Variants in CUX1 observed in about 807,000 individuals in gnomAD.
CUX1 encodes the protein cut like homeobox 1, also known as protein CASP.
Under a neutral mutation model 158.8 loss-of-function variants are expected in CUX1, and 31 were observed. The observed-to-expected ratio is 0.20, with a 90% CI of 0.15 to 0.26. The LOEUF is 0.26. Ranked by LOEUF, CUX1 falls within the 10% of genes least tolerant of loss-of-function variation. The pLI is 1.00. For missense variants in CUX1, 1,589 were observed against 2,014.6 expected (o/e 0.79, Z 4.04); for synonymous variants, 879 against 862.1 (o/e 1.02, Z -0.34).
intron 2 of CUX1, among the ~76,000 whole-genome samples, chr7:101,946,544 C>CAAAA (rs386410843): frequency 3.8e-5 from 3 of 78,162 alleles, no homozygotes; most frequent in Admixed American, 1.6e-4. Context: ...GACTCCGTCT[C>CAAAA]AAAAAAAAAA....
chr7:102,042,712 CT>C (rs889518543), intron 3 of CUX1, among the ~76,000 whole-genome samples: 2 of 152,204 alleles, frequency 1.3e-5, no homozygotes, highest in East Asian at 3.9e-4. Context: ...CTTTTTCCCT[CT>C]TTTTTTATCC....
chr7:102,089,585 G>C (rs201435), intron 4 of CUX1, among the ~76,000 whole-genome samples: 92,599 of 152,120 alleles, frequency 0.61, 30,101 homozygotes, highest in African/African-American at 0.79. Flanking sequence ...CAACAAGTGT[G>C]TCCTCTCTGG....
chr7:102,041,256 C>CTTTTTTTTTTTTTT lies in CUX1; in HGVS notation c.189+13125_189+13138dup, dbSNP rs11427183. 5.7e-5 allele frequency among the ~76,000 whole-genome samples: 4 copies of CTTTTTTTTTTTTTT among 69,892 alleles called. 1 individual carries two copies. The highest frequency in any genetic ancestry group is 4.6e-4 in the Admixed American group (2 of 4,366). 45.9% of individuals were successfully genotyped at this position (69,892 alleles called of 152,430 possible). ...GGGAGATTGTCACCTCTTATCCATT[C>CTTTTTTTTTTTTTT]TTTTTTTTTTTTTTTTTTTTTTTTT... On this transcript the variant is annotated intron_variant, in intron 3 of 23. Transcript: ENST00000292535.
At chr7:101,911,637 C>G (rs987605472) in intron 1 of CUX1, among the ~76,000 whole-genome samples, 1 of 152,252 alleles carries the variant, frequency 6.6e-6, no homozygotes, top group Non-Finnish European at 1.5e-5. Context: ...CTTGGCCCGC[C>G]AGTGGATGAC....
chr7:102,264,228 A>T (rs1222447068), intron 14 of CUX1, among the ~76,000 whole-genome samples: 1 of 150,886 alleles, frequency 6.6e-6, no homozygotes, highest in African/African-American at 2.4e-5. Flanking sequence ...CTGGTCTCGA[A>T]CTCCTGACCT....
At chr7:101,954,670 C>T (rs1809543531) in intron 2 of CUX1, among the ~76,000 whole-genome samples, 1 of 151,982 alleles carries the variant, frequency 6.6e-6, no homozygotes, top group South Asian at 2.1e-4. Flanking sequence ...TGCAGTGCAG[C>T]CACCATTGCC....
At chr7:102,119,251 T>TA in intron 8 of CUX1, among the ~76,000 whole-genome samples, 1 of 150,772 alleles carries the variant, frequency 6.6e-6, no homozygotes, top group Non-Finnish European at 1.5e-5. Flanking sequence ...CCACATTGTC[T>TA]GTCTGTCGTG....
intron 1 of CUX1, among the ~76,000 whole-genome samples, chr7:101,849,979 C>T (rs1231000034): frequency 7.3e-6 from 1 of 137,408 alleles, no homozygotes; most frequent in African/African-American, 2.8e-5. Flanking sequence ...AGTGCAGTGG[C>T]GCGATCTAGA....
chr7:102,066,267 C>A (rs958425714), intron 3 of CUX1, among the ~76,000 whole-genome samples: 8 of 152,120 alleles, frequency 5.3e-5, no homozygotes, highest in Non-Finnish European at 1.0e-4. Context: ...GTCTACATGT[C>A]TGTTTCTGTG....
intron 20 of CUX1, among the ~76,000 whole-genome samples, chr7:102,207,846 G>T (rs1170323638): frequency 6.6e-6 from 1 of 152,198 alleles, no homozygotes; most frequent in Non-Finnish European, 1.5e-5. Flanking sequence ...AGAAAGAAAA[G>T]AGATTATCAT....
chr7:102,220,626 C>G (rs1797710851), intron 20 of CUX1, among the ~76,000 whole-genome samples: 1 of 152,170 alleles, frequency 6.6e-6, no homozygotes, highest in Admixed American at 6.5e-5. Flanking sequence ...CTTTCTGAGC[C>G]TCTAGGGCTC....
chr7:102,019,441 T>C (rs1207855235), intron 2 of CUX1, among the ~76,000 whole-genome samples: 1 of 152,184 alleles, frequency 6.6e-6, no homozygotes, highest in Non-Finnish European at 1.5e-5. Context: ...GCGAGGCTGG[T>C]CTTGAACTCC....
intron 1 of CUX1, among the ~76,000 whole-genome samples, chr7:101,827,628 A>G (rs1184800642): frequency 6.6e-6 from 1 of 152,116 alleles, no homozygotes; most frequent in East Asian, 1.9e-4. Context: ...TTCATTCCCC[A>G]AAAACTTAAT....
At chr7:102,112,522 T>A (rs1350576609) in intron 7 of CUX1, among the ~76,000 whole-genome samples, 1 of 151,938 alleles carries the variant, frequency 6.6e-6, no homozygotes, top group East Asian at 1.9e-4. Flanking sequence ...ATTACAGGCG[T>A]GAGCCACCGC....
intron 3 of CUX1, among the ~76,000 whole-genome samples, chr7:102,053,772 A>G (rs373169265): frequency 1.4e-4 from 21 of 150,296 alleles, no homozygotes; most frequent in East Asian, 7.8e-4. Flanking sequence ...GTATCTTTTC[A>G]AAACTTCCAT....
intron 2 of CUX1, among the ~76,000 whole-genome samples, chr7:102,023,794 G>A (rs186444313): frequency 3.9e-5 from 6 of 152,324 alleles, no homozygotes; most frequent in African/African-American, 7.2e-5. Context: ...TGTATGATAC[G>A]TGTGAGTATG....
intron 21 of CUX1, chr7:102,282,672 T>C: frequency 6.2e-7 from 1 of 1,604,704 alleles, no homozygotes; most frequent in Non-Finnish European, 8.5e-7. Flanking sequence ...GGGGTGGCCT[T>C]GAGGCGAACG....
intron 23 of CUX1, among the ~76,000 whole-genome samples, chr7:102,242,451 T>C (rs1800331115): frequency 2.6e-5 from 4 of 152,168 alleles, no homozygotes; most frequent in African/African-American, 9.7e-5. Flanking sequence ...CCTCAAGTGA[T>C]CCACCCACCT....
rs139104840 is a variant in CUX1 at position 102,092,634 on chromosome 7, G to A, written c.269-4730G>A. Among the ~76,000 whole-genome samples the A allele has an allele frequency of 2.5e-3, 377 of 152,266 alleles. 1 individual carries two copies. The highest frequency in any genetic ancestry group is 3.7e-3 in the Non-Finnish European group (253 of 68,020). On this transcript the variant is annotated intron_variant, in intron 4 of 23. Transcript: ENST00000292535. ...CATGAGTCAAAAATGCATTTAGGCC[G>A]GGTGTGGTGGCTCATGCCTGTAATC... is the stretch of plus-strand genomic sequence containing the variant.
Sources: allele counts gnomAD v4.1 joint callset (sites outside exome capture counted in the v4.1 genomes callset), GRCh38; gene constraint gnomAD v4.1.1; transcripts MANE v1.5; gene names NCBI Gene and HGNC (gene_info 2026-07-23, HGNC 2026-07-21).